CPN1: variants seen among roughly 807,000 people sequenced by gnomAD.
CPN1 encodes carboxypeptidase N subunit 1.
A neutral mutation model predicts 46.4 loss-of-function variants in CPN1; 37 were observed. The ratio of observed to expected loss-of-function variants is 0.80; its 90% CI spans 0.61 to 1.05. The LOEUF (loss-of-function observed/expected upper bound fraction) is 1.05, where lower values mean the gene tolerates loss of function less well. Among genes scored for constraint, CPN1 ranks in the 50% least tolerant of loss-of-function variants. CPN1 has a pLI of 0.00. For missense variants in CPN1, 563 were observed against 602.6 expected (o/e 0.93, Z 0.69); for synonymous variants, 224 against 235.4 (o/e 0.95, Z 0.44).
At chr10:100,078,846 C>G (rs962158310) in intron 1 of CPN1, among the ~76,000 whole-genome samples, 2 of 152,192 alleles carry the variant, frequency 1.3e-5, no homozygotes, top group Non-Finnish European at 2.9e-5. Flanking sequence ...GCCTATGAGG[C>G]CCTGCGTGAT....
chr10:100,054,447 C>G lies in CPN1; in HGVS notation c.1012-1G>C. 6.2e-7 allele frequency: 1 copy of G among 1,611,156 alleles called. No homozygotes were observed. The highest frequency in any genetic ancestry group is 8.5e-7 in the Non-Finnish European group (1 of 1,177,328). On this transcript the variant is annotated splice_acceptor_variant, in intron 6 of 8. Coordinates refer to ENST00000370418, the MANE Select transcript of CPN1 (RefSeq NM_001308.3). LOFTEE classifies it high-confidence loss of function. ...CCATTCCCTTGATGCCCTGGTGAAC[C>G]TGCAGGAACAAGTATATAGTTATGA...
At chr10:100,072,920 A>C (rs2041493560) in intron 2 of CPN1, among the ~76,000 whole-genome samples, 1 of 152,224 alleles carries the variant, frequency 6.6e-6, no homozygotes, top group African/African-American at 2.4e-5. Context: ...AATAGTGCCA[A>C]CTGGGTCCCT....
At position 100,081,584 on chromosome 10, in the gene CPN1, G is replaced by C; in HGVS notation, c.42C>G (p.Leu14=). ...LLSVFLHLLL[L]FKLVAPVTFR... Reference sequence around the variant, plus strand: ...AGGTCACCGGGGCAACCAACTTGAAGAGAAGGAGGAGGTGGAGGAAGACTG... The same window carrying C: ...AGGTCACCGGGGCAACCAACTTGAACAGAAGGAGGAGGTGGAGGAAGACTG... Residue 14 remains leucine (L), a synonymous_variant, in exon 1 of 9, where the codon CTC becomes CTG. Coordinates refer to ENST00000370418, the MANE Select transcript of CPN1 (RefSeq NM_001308.3). 1 of 1,614,174 alleles carries C rather than the reference G, an allele frequency of 6.2e-7. No homozygotes were observed. Among genetic ancestry groups the C allele is most frequent in the South Asian group, 1.1e-5 (1 of 91,084 alleles).
Position 100,054,410 on chromosome 10 carries a change from T to A in CPN1, c.1048A>T (p.Asn350Tyr). 6.2e-7 allele frequency: 1 copy of A among 1,614,116 alleles called. No individual in the cohort carries two copies. The highest frequency in any genetic ancestry group is 1.1e-5 in the South Asian group (1 of 91,070). The change falls in exon 7 of 9, where the codon AAT (asparagine) becomes TAT (tyrosine). Residue 350 changes from asparagine to tyrosine, a missense_variant. Physicochemically the swap from Asn to Tyr is moderately radical, Grantham distance 143. Coordinates refer to ENST00000370418, the MANE Select transcript of CPN1 (RefSeq NM_001308.3). ...QGIKGMVLDE[N>Y]YNNLANAVIS... ...ACAGCATTGGCGAGATTATTGTAAT[T>A]CTCATCAAGCACCATTCCCTTGATG...
chr10:100,081,449 G>C lies in CPN1; in HGVS notation c.177C>G (p.His59Gln). 1 of 1,613,876 alleles carries C rather than the reference G, an allele frequency of 6.2e-7. No individual in the cohort carries two copies. Among genetic ancestry groups the C allele is most frequent in the African/African-American group, 1.3e-5 (1 of 75,014 alleles). The part of the protein sequence containing the change: ...YSIGRSVEGR[H>Q]LYVLEFSDHP... ...GGTCGCTGAACTCCAGCACGTAGAGGTGTCTCCCCTCCACGCTGCGCCCAA... is the reference window on the plus strand; with the variant it reads ...GGTCGCTGAACTCCAGCACGTAGAGCTGTCTCCCCTCCACGCTGCGCCCAA... Residue 59 changes from histidine to glutamine, a missense_variant, in exon 1 of 9, where the codon CAC (histidine) becomes CAG (glutamine). Transcript: ENST00000370418.
intron 7 of CPN1, among the ~76,000 whole-genome samples, chr10:100,052,063 A>G (rs542000990): frequency 6.9e-4 from 100 of 145,208 alleles, no homozygotes; most frequent in African/African-American, 2.5e-3. Context: ...CCACACCACC[A>G]CACCCAGCTA....
chr10:100,073,068 A>AT (rs1268232656), intron 2 of CPN1, among the ~76,000 whole-genome samples: 7 of 152,004 alleles, frequency 4.6e-5, no homozygotes, highest in Non-Finnish European at 8.8e-5. Context: ...GGCAGATTAC[A>AT]TTTTTTTCTA....
At chr10:100,065,116 T>A in intron 4 of CPN1, 72 bp downstream of exon 4, 1 of 1,540,008 alleles carries the variant, frequency 6.5e-7, no homozygotes, top group Non-Finnish European at 8.8e-7. Context: ...AAAAGGGTTC[T>A]GTGTTACTGA....
intron 3 of CPN1, among the ~76,000 whole-genome samples, chr10:100,067,711 C>G (rs900536426): frequency 6.6e-6 from 1 of 152,178 alleles, no homozygotes; most frequent in Admixed American, 6.6e-5. Flanking sequence ...GGCCCACCAG[C>G]AGGGTGAAAC....
rs762663505 is a variant in CPN1, at chr10:100,069,730, T to C, written c.560A>G (p.Asp187Gly). Residue 187 changes from aspartate (D) to glycine (G), a missense_variant, in exon 3 of 9, where the codon GAC becomes GGC. By Grantham distance (94) the Asp-to-Gly change is moderately conservative. Transcript: ENST00000370418. ...ATCTCCTACCTGACTTTTCCAGTTG[T>C]CTGGAAGGGGCAGGTGGTGGTTGGG... ...GGPNHHLPLP[D>G]NWKSQVEPET... 2.8e-5 allele frequency: 45 copies of C among 1,613,876 alleles called. No individual in the cohort carries two copies. The Admixed American group carries it at 4.3e-4, about 16-fold the overall frequency.
chr10:100,068,816 G>A (rs983538360), intron 3 of CPN1, among the ~76,000 whole-genome samples: 1 of 152,158 alleles, frequency 6.6e-6, no homozygotes, highest in African/African-American at 2.4e-5. Flanking sequence ...TGGGATTACA[G>A]GTGTGAGACA....
chr10:100,076,680 C>A (rs1297766264), intron 1 of CPN1, among the ~76,000 whole-genome samples: 1 of 152,220 alleles, frequency 6.6e-6, no homozygotes, highest in African/African-American at 2.4e-5. Flanking sequence ...AAGAACACAG[C>A]AGGTGAGCAG....
At position 100,076,012 on chromosome 10, in the gene CPN1, A is replaced by T. The variant is rs1472495158; in HGVS notation, c.319T>A (p.Phe107Ile). Residue 107 changes from phenylalanine to isoleucine, a missense_variant, in exon 2 of 9, where the codon TTC (phenylalanine) becomes ATC (isoleucine). By Grantham distance (21) the Phe-to-Ile change is conservative. Coordinates refer to ENST00000370418, the MANE Select transcript of CPN1 (RefSeq NM_001308.3). The stretch of plus-strand genomic sequence containing the variant: ...ACGATGCGCTGGTTCCTGTTCCGGA[A>T]CTCCTCGCACAGAAACTCCGACAGC... Reference protein sequence around the residue: ...LQLSEFLCEEFRNRNQRIVQL... With the variant: ...LQLSEFLCEEIRNRNQRIVQL... 1 of 1,613,852 alleles carries T rather than the reference A, an allele frequency of 6.2e-7. No individual in the cohort carries two copies.
At chr10:100,062,914 T>G (rs1021930884) in intron 5 of CPN1, among the ~76,000 whole-genome samples, 36 of 151,872 alleles carry the variant, frequency 2.4e-4, no homozygotes, top group African/African-American at 8.5e-4. Context: ...TTATTCTTAA[T>G]TACAGATGAG....
chr10:100,073,610 C>CTTTTT (rs748410671), intron 2 of CPN1, among the ~76,000 whole-genome samples: 2 of 122,454 alleles, frequency 1.6e-5, no homozygotes, highest in Admixed American at 8.3e-5. Flanking sequence ...GCTCTTCCAT[C>CTTTTT]TTTTTTTTTT....
chr10:100,069,284 C>A (rs186749393), intron 3 of CPN1, among the ~76,000 whole-genome samples: 10 of 152,106 alleles, frequency 6.6e-5, no homozygotes, highest in Non-Finnish European at 1.0e-4. Flanking sequence ...GAGTTTGAGA[C>A]CAGCCTGGTC....
intron 1 of CPN1, among the ~76,000 whole-genome samples, chr10:100,078,481 G>A (rs1388403439): frequency 6.6e-6 from 1 of 152,188 alleles, no homozygotes; most frequent in African/African-American, 2.4e-5. Flanking sequence ...TGGTCTCCCT[G>A]CAGCTGCCTA....
At chr10:100,057,474 G>A (rs1175595742) in intron 5 of CPN1, among the ~76,000 whole-genome samples, 7 of 152,066 alleles carry the variant, frequency 4.6e-5, no homozygotes, top group Non-Finnish European at 7.4e-5. Flanking sequence ...GACCAGGTTC[G>A]TCCCTTAATG....
At chr10:100,062,532 C>A (rs2041426114) in intron 5 of CPN1, among the ~76,000 whole-genome samples, 1 of 152,032 alleles carries the variant, frequency 6.6e-6, no homozygotes, top group African/African-American at 2.4e-5. Flanking sequence ...CCAGGCATTT[C>A]CAAATGCCTT....
Sources: allele counts gnomAD v4.1 joint callset (sites outside exome capture counted in the v4.1 genomes callset), GRCh38; gene constraint gnomAD v4.1.1; transcripts MANE v1.5; gene names NCBI Gene and HGNC (gene_info 2026-07-23, HGNC 2026-07-21).